SMC3: variants seen among roughly 807,000 people sequenced by gnomAD.
SMC3 encodes the protein structural maintenance of chromosomes 3.
In SMC3, 20 loss-of-function variants were observed where a neutral mutation model predicts 171.8. The ratio of observed to expected loss-of-function variants is 0.12; its 90% CI spans 0.08 to 0.17. The LOEUF (loss-of-function observed/expected upper bound fraction) is 0.17, where lower values mean the gene tolerates loss of function less well. SMC3 is among the 10% of genes least tolerant of loss of function. The pLI is 1.00. For missense variants in SMC3, 543 were observed against 1,420.4 expected (o/e 0.38, Z 9.93); for synonymous variants, 464 against 451.1 (o/e 1.03, Z -0.36).
intron 28 of SMC3, 80 bp from the exon 29 acceptor site, chr10:110,604,151 A>G: frequency 1.4e-6 from 1 of 708,680 alleles, no homozygotes. Flanking sequence ...AATGTAGTTG[A>G]TAGGCTGTAT....
rs971441879 is a variant in SMC3 at position 110,578,028 on chromosome 10, C to G, written c.350+114C>G. On this transcript the variant is annotated intron_variant, in intron 6 of 28. Transcript: ENST00000361804. ...CTTGGCCTCAAATGATCCACCTCGG[C>G]TTCCTAAAGTGCTAGGATTACAGAC... is the stretch of plus-strand genomic sequence containing the variant. The G allele has an allele frequency of 5.5e-6, 4 of 728,300 alleles. No homozygotes were observed. In the African/African-American group the frequency reaches 7.0e-5, roughly 13 times the overall value. The allele number at this position is 728,300 out of a possible 1,614,324, so 45.1% of individuals were successfully genotyped here.
intron 7 of SMC3, 66 bp from the exon 8 acceptor site, chr10:110,580,838 A>T: frequency 2.3e-6 from 2 of 868,020 alleles, no homozygotes. Context: ...AAACCTTTCA[A>T]CGTGGAGTTC....
At chr10:110,588,026 G>T (rs1861150973) in intron 13 of SMC3, among the ~76,000 whole-genome samples, 2 of 152,256 alleles carry the variant, frequency 1.3e-5, no homozygotes, top group African/African-American at 4.8e-5. Flanking sequence ...GAGTCTCGCT[G>T]TGTCACCAGG....
At chr10:110,586,003 A>C (rs2134730118) in intron 13 of SMC3, among the ~76,000 whole-genome samples, 1 of 151,876 alleles carries the variant, frequency 6.6e-6, no homozygotes, top group South Asian at 2.1e-4. Context: ...TCACTGTGTT[A>C]GCCAGGATGG....
At position 110,576,930 on chromosome 10, in the gene SMC3, A is replaced by C. The variant is rs149260743; in HGVS notation, c.199-491A>C. Reference sequence around the variant, plus strand: ...TGTCTCAATTTTTCTTAAAAAACAGACTTTTGGTAATTATCCCATGATTTA... The same window carrying C: ...TGTCTCAATTTTTCTTAAAAAACAGCCTTTTGGTAATTATCCCATGATTTA... On this transcript the variant is annotated intron_variant, in intron 4 of 28. Coordinates refer to ENST00000361804, the MANE Select transcript of SMC3 (RefSeq NM_005445.4). Among the ~76,000 whole-genome samples, 61 of 152,222 alleles carry C rather than the reference A, an allele frequency of 4.0e-4. No individual in the cohort carries two copies. In the East Asian group the frequency reaches 0.011, roughly 27 times the overall value.
chr10:110,579,864 A>G (rs888185809), intron 7 of SMC3, among the ~76,000 whole-genome samples: 5 of 152,196 alleles, frequency 3.3e-5, no homozygotes, highest in Non-Finnish European at 5.9e-5. Flanking sequence ...TTTTTAATGC[A>G]GTGATATCAT....
At chr10:110,599,531 C>T (rs1470744443) in intron 20 of SMC3, 123 bp from the exon 21 acceptor site, 1 of 781,344 alleles carries the variant, frequency 1.3e-6, no homozygotes, top group South Asian at 2.0e-5. Context: ...AATTAATAGG[C>T]ACCTAATATT....
chr10:110,602,314 G>A lies in SMC3; in HGVS notation c.3105+136G>A, dbSNP rs576110452. ...ACATGTGAACAAACCTAGCATATAGGTTTACAGTAACTTGAATGTTTTACA... is the reference window on the plus strand; with the variant it reads ...ACATGTGAACAAACCTAGCATATAGATTTACAGTAACTTGAATGTTTTACA... On this transcript the variant is annotated intron_variant, in intron 25 of 28. Transcript: ENST00000361804. 8.5e-4 allele frequency: 813 copies of A among 961,528 alleles called. 1 individual carries two copies. The highest frequency in any genetic ancestry group is 1.6e-3 in the Admixed American group (77 of 48,512). 59.6% of individuals were successfully genotyped at this position (961,528 alleles called of 1,614,324 possible).
chr10:110,588,279 C>T (rs758232432), intron 13 of SMC3, among the ~76,000 whole-genome samples: 3 of 152,114 alleles, frequency 2.0e-5, no homozygotes, highest in East Asian at 1.9e-4. Context: ...TGTGAGCCAC[C>T]GCGCCCGGCC....
At chr10:110,596,586 T>TG in intron 19 of SMC3, 36 bp downstream of exon 19, 1 of 1,596,470 alleles carries the variant, frequency 6.3e-7, no homozygotes, top group Non-Finnish European at 8.6e-7. Flanking sequence ...ATAGATATTG[T>TG]GGGGGAAGAA....
At chr10:110,574,966 CTCATA>C (rs1208055208) in intron 3 of SMC3, among the ~76,000 whole-genome samples, 2 of 152,136 alleles carry the variant, frequency 1.3e-5, no homozygotes, top group Non-Finnish European at 2.9e-5. Context: ...AGGATTTTAA[CTCATA>C]TCATTTATGT....
At chr10:110,601,534 A>T (rs1345040938) in intron 23 of SMC3, 103 bp from the exon 24 acceptor site, 3 of 1,277,238 alleles carry the variant, frequency 2.3e-6, no homozygotes, top group African/African-American at 3.0e-5. Flanking sequence ...TAAACACAAA[A>T]CCTAAAACCT....
intron 19 of SMC3, among the ~76,000 whole-genome samples, chr10:110,597,609 G>T (rs1186528756): frequency 3.3e-5 from 5 of 152,188 alleles, no homozygotes; most frequent in African/African-American, 9.6e-5. Context: ...GCACTTTAAA[G>T]AACTGCCTGA....
intron 13 of SMC3, among the ~76,000 whole-genome samples, chr10:110,588,587 GTTTGC>G (rs1367912471): frequency 6.6e-6 from 1 of 152,102 alleles, no homozygotes; most frequent in Non-Finnish European, 1.5e-5. Context: ...AAGGATTTTT[GTTTGC>G]TTTGGTCTTT....
intron 13 of SMC3, among the ~76,000 whole-genome samples, chr10:110,585,841 A>G (rs915997639): frequency 6.6e-6 from 1 of 152,082 alleles, no homozygotes; most frequent in African/African-American, 2.4e-5. Context: ...TCTGTCGCCC[A>G]GGCTGGAGTG....
intron 18 of SMC3, among the ~76,000 whole-genome samples, chr10:110,594,205 A>ATT (rs550767232): frequency 9.2e-5 from 12 of 131,074 alleles, no homozygotes; most frequent in South Asian, 2.4e-4. Flanking sequence ...TTTTAAATTT[A>ATT]TTTTTTTTTT....
intron 2 of SMC3, among the ~76,000 whole-genome samples, chr10:110,570,348 A>G (rs1389211425): frequency 1.3e-5 from 2 of 152,246 alleles, no homozygotes; most frequent in Non-Finnish European, 2.9e-5. Context: ...TTCATTTTGT[A>G]TAAAATGATA....
intron 7 of SMC3, 44 bp from the exon 8 acceptor site, chr10:110,580,860 C>A: frequency 9.8e-7 from 1 of 1,023,574 alleles, no homozygotes; most frequent in Non-Finnish European, 1.6e-6. Context: ...TCTTCTTAAA[C>A]GGAGGCTACA....
chr10:110,589,202 A>G (rs1386028330), intron 13 of SMC3, among the ~76,000 whole-genome samples: 1 of 152,174 alleles, frequency 6.6e-6, no homozygotes, highest in African/African-American at 2.4e-5. Context: ...ATCCTGGCTA[A>G]CACGGTGAAA....
Sources: allele counts gnomAD v4.1 joint callset (sites outside exome capture counted in the v4.1 genomes callset), GRCh38; gene constraint gnomAD v4.1.1; transcripts MANE v1.5; gene names NCBI Gene and HGNC (gene_info 2026-07-23, HGNC 2026-07-21).